DHX8: variants seen among roughly 807,000 people sequenced by gnomAD.
The protein encoded by DHX8 is DEAH-box helicase 8.
A neutral mutation model predicts 140.7 loss-of-function variants in DHX8; 67 were observed. The ratio of observed to expected loss-of-function variants is 0.48; its 90% CI spans 0.39 to 0.58. The LOEUF (loss-of-function observed/expected upper bound fraction) is 0.58, where lower values mean the gene tolerates loss of function less well. DHX8 is among the 20% of genes least tolerant of loss of function. The pLI, the probability that DHX8 is intolerant of heterozygous loss-of-function variation, is 0.00. For synonymous variants in DHX8, 533 were observed against 553.2 expected, an observed-to-expected ratio of 0.96 and a Z score of 0.51; for missense variants, 887 against 1,550.7, an observed-to-expected ratio of 0.57 and a Z score of 7.19.
chr17:43,487,514 C>T (rs374656114), intron 1 of DHX8, among the ~76,000 whole-genome samples: 12 of 152,148 alleles, frequency 7.9e-5, no homozygotes, highest in Non-Finnish European at 1.2e-4. Context: ...CCACCACCCC[C>T]GGCTGATTTT....
chr17:43,500,878 T>G (rs1969153871), intron 11 of DHX8, among the ~76,000 whole-genome samples: 1 of 152,060 alleles, frequency 6.6e-6, no homozygotes, highest in African/African-American at 2.4e-5. Context: ...GCCACTGCAC[T>G]CCAGCCTGGC....
chr17:43,525,184 T>G lies in DHX8; in HGVS notation c.*1337T>G. On this transcript the variant is annotated 3_prime_UTR_variant, in exon 23 of 23. Transcript: ENST00000262415. The stretch of plus-strand genomic sequence containing the variant: ...GGAAAGCTGGTCTGGATGTAGTGCT[T>G]GTAGAGAAGCTTCTGAGAGATTGGG... 1 of 985,392 alleles carries G rather than the reference T, an allele frequency of 1.0e-6. No individual in the cohort carries two copies. The highest frequency in any genetic ancestry group is 4.7e-5 in the South Asian group (1 of 21,288). The allele number at this position is 985,392 out of a possible 1,614,324, so 61.0% of individuals were successfully genotyped here.
intron 11 of DHX8, among the ~76,000 whole-genome samples, chr17:43,500,487 GA>G (rs960744715): frequency 6.0e-5 from 9 of 149,966 alleles, no homozygotes; most frequent in Middle Eastern, 3.4e-3. Context: ...ACTCCATCTC[GA>G]AAAAAAAATT....
intron 4 of DHX8, among the ~76,000 whole-genome samples, chr17:43,491,956 G>T (rs905440680): frequency 1.2e-4 from 18 of 152,126 alleles, no homozygotes; most frequent in Non-Finnish European, 2.1e-4. Context: ...ATATCTAACT[G>T]CCTTTCATAG....
At chr17:43,544,792 TAA>T, downstream of DHX8, 1 of 593,508 alleles carries the variant, frequency 1.7e-6, no homozygotes, top group Non-Finnish European at 3.1e-6. Flanking sequence ...AATATCAATA[TAA>T]GTGTCCACGC....
At chr17:43,533,018 T>C (rs1200635737) in intron 2 of DHX8, 2 of 1,514,916 alleles carry the variant, frequency 1.3e-6, no homozygotes, top group South Asian at 1.3e-5. Context: ...CCTAGGCTTT[T>C]AGAGTGGGCT....
At chr17:43,492,578 A>C (rs1968587561) in intron 5 of DHX8, 103 bp from the exon 6 acceptor site, 1 of 694,422 alleles carries the variant, frequency 1.4e-6, no homozygotes, top group Admixed American at 2.7e-5. Context: ...TTCAAAACCT[A>C]GTGGGTACCT....
Position 43,524,582 on chromosome 17 carries a change from G to T in DHX8, c.*735G>T. 1 of 985,560 alleles carries T rather than the reference G, an allele frequency of 1.0e-6. No individual in the cohort carries two copies. Among genetic ancestry groups the T allele is most frequent in the Non-Finnish European group, 1.2e-6 (1 of 830,054 alleles). The allele number at this position is 985,560 out of a possible 1,614,324, so 61.1% of individuals were successfully genotyped here. A position where few individuals can be genotyped will look rare whatever the true frequency, so the allele number is the denominator to read the frequency against. ...CATGTCCTCTCCACAGAGCACTTCAGTCTGGAGGCCTGAGTGGCTACAGAT... is the reference window on the plus strand; with the variant it reads ...CATGTCCTCTCCACAGAGCACTTCATTCTGGAGGCCTGAGTGGCTACAGAT... On this transcript the variant is annotated 3_prime_UTR_variant, in exon 23 of 23. Coordinates refer to ENST00000262415, the MANE Select transcript of DHX8 (RefSeq NM_004941.3).
At chr17:43,490,618 A>G in intron 3 of DHX8, 155 bp downstream of exon 3, 1 of 640,176 alleles carries the variant, frequency 1.6e-6, no homozygotes. Flanking sequence ...CACTGCTGGA[A>G]TCCCAGCACT....
In DHX8 at chr17:43,522,067, C is replaced by G; in HGVS notation, c.3284C>G (p.Ser1095Cys). The change falls in exon 22 of 23, where the codon TCC becomes TGC. Residue 1095 changes from serine (S) to cysteine (C), a missense_variant. Physicochemically the swap from Ser to Cys is moderately radical, Grantham distance 112 (BLOSUM62 -1). Coordinates refer to ENST00000262415, the MANE Select transcript of DHX8 (RefSeq NM_004941.3). ...GATAGACACAAGCTGGATGTTGTTT[C>G]CTGTGGCAAGTCCACAGTCCGAGTG... ...IMDRHKLDVVSCGKSTVRVQK... is the reference protein window; with the variant it reads ...IMDRHKLDVVCCGKSTVRVQK... 2 of 1,613,990 alleles carry G rather than the reference C, an allele frequency of 1.2e-6. No homozygotes were observed. Among genetic ancestry groups the G allele is most frequent in the South Asian group, 1.1e-5 (1 of 91,068 alleles).
At chr17:43,521,347 C>G (rs549857102) in intron 20 of DHX8, 22 bp from the exon 21 acceptor site, 80 of 1,593,806 alleles carry the variant, frequency 5.0e-5, no homozygotes, top group Non-Finnish European at 6.3e-5. Flanking sequence ...CGGAAATGTT[C>G]CTCTGTCCCA....
At chr17:43,501,642 C>G (rs570083809) in intron 11 of DHX8, among the ~76,000 whole-genome samples, 4 of 152,262 alleles carry the variant, frequency 2.6e-5, no homozygotes, top group African/African-American at 9.6e-5. Context: ...CACCACCACG[C>G]CTAGCTAATT....
At chr17:43,540,181 G>T (rs1000169011) in intron 3 of DHX8, among the ~76,000 whole-genome samples, 2 of 152,178 alleles carry the variant, frequency 1.3e-5, no homozygotes, top group Admixed American at 6.5e-5. Flanking sequence ...AGCCAGGTGT[G>T]GTGGCTCACG....
At chr17:43,513,215 T>G in intron 16 of DHX8, 147 bp from the exon 17 acceptor site, 1 of 812,048 alleles carries the variant, frequency 1.2e-6, no homozygotes, top group Non-Finnish European at 1.8e-6. Context: ...TGTTGGAGGC[T>G]GAGCTGGGAT....
chr17:43,528,447 C>T, downstream of DHX8: 5 of 1,076,542 alleles, frequency 4.6e-6, no homozygotes, highest in East Asian at 2.5e-5. Flanking sequence ...ATGAAGGTTT[C>T]CCCAACACCA....
intron 3 of DHX8, among the ~76,000 whole-genome samples, chr17:43,540,868 A>C (rs143707308): frequency 6.6e-6 from 1 of 152,208 alleles, no homozygotes; most frequent in African/African-American, 2.4e-5. Flanking sequence ...GTCCCAAGGG[A>C]AAGGGTGGTG....
chr17:43,505,834 C>T (rs1232574501), intron 12 of DHX8, among the ~76,000 whole-genome samples: 5 of 151,968 alleles, frequency 3.3e-5, no homozygotes, highest in Non-Finnish European at 7.4e-5. Context: ...TTACTAGTTT[C>T]TAGTGAATCC....
chr17:43,530,597 T>G (rs1970866282), downstream of DHX8, among the ~76,000 whole-genome samples: 1 of 117,172 alleles, frequency 8.5e-6, no homozygotes, highest in Non-Finnish European at 1.8e-5. Flanking sequence ...TTCCCAGCCC[T>G]GTGCACGCGC....
At chr17:43,542,280 G>A (rs773580912) in intron 3 of DHX8, among the ~76,000 whole-genome samples, 13 of 152,058 alleles carry the variant, frequency 8.5e-5, no homozygotes, top group Non-Finnish European at 1.5e-4. Context: ...CAGTATCAGA[G>A]GGATCAAGGA....
Sources: gnomAD v4.1 joint callset for allele counts (sites outside exome capture counted in the v4.1 genomes callset) on GRCh38, gnomAD v4.1.1 for gene constraint, MANE v1.5 for transcripts, NCBI Gene and HGNC (gene_info 2026-07-23, HGNC 2026-07-21) for gene names.